The following ARHGAP44 variants were observed in gnomAD, a reference collection of about 807,000 sequenced individuals.
The protein encoded by ARHGAP44 is rho GTPase-activating protein 44.
In ARHGAP44, 43 loss-of-function variants were observed where a neutral mutation model predicts 106.8. That is an observed-to-expected ratio of 0.40 (90% CI 0.32 to 0.52). The LOEUF is 0.52. Among genes scored for constraint, ARHGAP44 ranks in the 20% least tolerant of loss-of-function variants. The pLI is 0.48. For missense variants in ARHGAP44, 866 were observed against 1,050.5 expected, an observed-to-expected ratio of 0.82 and a Z score of 2.43; for synonymous variants, 439 against 410.3, an observed-to-expected ratio of 1.07 and a Z score of -0.85.
chr17:12,911,231 A>G (rs2037728173), intron 4 of ARHGAP44, among the ~76,000 whole-genome samples: 1 of 152,192 alleles, frequency 6.6e-6, no homozygotes, highest in African/African-American at 2.4e-5. Flanking sequence ...TGCCTATAAT[A>G]TAATGACAGA....
At chr17:12,944,832 T>A (rs1479790354) in intron 10 of ARHGAP44, among the ~76,000 whole-genome samples, 1 of 151,936 alleles carries the variant, frequency 6.6e-6, no homozygotes, top group African/African-American at 2.4e-5. Flanking sequence ...CCTCTTCATC[T>A]TCCTTCTCTT....
chr17:12,852,349 G>A (rs547529527), intron 1 of ARHGAP44, among the ~76,000 whole-genome samples: 5 of 116,668 alleles, frequency 4.3e-5, no homozygotes, highest in East Asian at 5.5e-4. Context: ...AAAACTCTTC[G>A]TTTTCGTTTC....
At chr17:12,928,374 A>G (rs986084696) in intron 6 of ARHGAP44, among the ~76,000 whole-genome samples, 1 of 152,232 alleles carries the variant, frequency 6.6e-6, no homozygotes, top group Non-Finnish European at 1.5e-5. Context: ...CTTAAAGGGC[A>G]GTGATAGTTA....
At chr17:12,853,872 T>A (rs1229726779) in intron 1 of ARHGAP44, among the ~76,000 whole-genome samples, 1 of 152,208 alleles carries the variant, frequency 6.6e-6, no homozygotes, top group Non-Finnish European at 1.5e-5. Flanking sequence ...CCTAGTGGAC[T>A]CTTCATTTAC....
In ARHGAP44 at chr17:12,949,999, C is replaced by T. The variant is rs935849699; in HGVS notation, c.1055+269C>T. The stretch of plus-strand genomic sequence containing the variant: ...GTAAACTGTGGAGTGTCTGTACCAT[C>T]GCACACTCTGGAACAATTAAAAAAT... On this transcript the variant is annotated intron_variant, in intron 12 of 20. Transcript: ENST00000379672. This position sits in a 1 kb window ranked among gnomAD's most constrained non-coding sequence, Gnocchi z 4.1. Among the ~76,000 whole-genome samples the T allele has an allele frequency of 3.9e-5, 6 of 152,118 alleles. No homozygotes were observed. Among genetic ancestry groups the T allele is most frequent in the African/African-American group, 9.7e-5 (4 of 41,418 alleles).
chr17:12,891,394 G>C (rs150871468), intron 1 of ARHGAP44, among the ~76,000 whole-genome samples: 4 of 152,200 alleles, frequency 2.6e-5, no homozygotes, highest in African/African-American at 9.7e-5. Flanking sequence ...AGGAGCTAGC[G>C]TCTGGCAAGG....
chr17:12,956,389 G>A (rs1020106208), intron 14 of ARHGAP44, among the ~76,000 whole-genome samples: 1 of 152,310 alleles, frequency 6.6e-6, no homozygotes, highest in Admixed American at 6.5e-5. Flanking sequence ...TCACAGGGAC[G>A]GGAGGGAGGA....
intron 1 of ARHGAP44, among the ~76,000 whole-genome samples, chr17:12,816,918 G>T (rs970336067): frequency 2.6e-5 from 4 of 152,090 alleles, no homozygotes; most frequent in African/African-American, 9.7e-5. Flanking sequence ...GGATCTAATT[G>T]GCATTTATAG....
intron 10 of ARHGAP44, among the ~76,000 whole-genome samples, chr17:12,948,202 T>G (rs1051965931): frequency 6.6e-6 from 1 of 152,220 alleles, no homozygotes; most frequent in Non-Finnish European, 1.5e-5. Context: ...TCTCCTCTTC[T>G]CTTTCGCTTC....
intron 1 of ARHGAP44, among the ~76,000 whole-genome samples, chr17:12,879,927 CAA>C (rs1460048825): frequency 2.6e-5 from 4 of 151,606 alleles, no homozygotes; most frequent in South Asian, 2.1e-4. Context: ...TATAATAAAA[CAA>C]GAGAAAATAC....
chr17:12,979,557 G>A (rs1413233832), intron 18 of ARHGAP44, among the ~76,000 whole-genome samples: 1 of 152,150 alleles, frequency 6.6e-6, no homozygotes, highest in East Asian at 1.9e-4. Flanking sequence ...CTGCCTGGGG[G>A]GTGGCTGGAG....
intron 1 of ARHGAP44, among the ~76,000 whole-genome samples, chr17:12,873,351 C>G (rs568415658): frequency 6.6e-6 from 1 of 152,276 alleles, no homozygotes; most frequent in Non-Finnish European, 1.5e-5. Context: ...AAGCCTTTCT[C>G]AATGACTCTC....
chr17:12,972,418 C>T (rs750231014), intron 16 of ARHGAP44, among the ~76,000 whole-genome samples: 5 of 151,878 alleles, frequency 3.3e-5, no homozygotes, highest in Non-Finnish European at 7.4e-5. Flanking sequence ...GAGGCTGAGG[C>T]GAATGGATCA....
intron 1 of ARHGAP44, among the ~76,000 whole-genome samples, chr17:12,840,230 T>A (rs1172869888): frequency 1.3e-5 from 2 of 152,184 alleles, no homozygotes; most frequent in Non-Finnish European, 2.9e-5. Context: ...CTCTGTGCAA[T>A]CTGATGCAAA....
chr17:12,809,904 G>GTGC (rs1394920232), intron 1 of ARHGAP44, among the ~76,000 whole-genome samples: 3 of 152,170 alleles, frequency 2.0e-5, no homozygotes, highest in Admixed American at 6.5e-5. Context: ...CAGTCACTGA[G>GTGC]AAGGAGCCTG....
At chr17:12,969,258 A>G (rs1352004296) in intron 16 of ARHGAP44, among the ~76,000 whole-genome samples, 1 of 151,706 alleles carries the variant, frequency 6.6e-6, no homozygotes, top group East Asian at 1.9e-4. Flanking sequence ...CCCTTTATCA[A>G]CATATTTTAG....
intron 1 of ARHGAP44, among the ~76,000 whole-genome samples, chr17:12,845,515 A>AAAAAAAAC (rs1219393602): frequency 2.4e-4 from 32 of 131,022 alleles, no homozygotes; most frequent in African/African-American, 9.0e-4. Context: ...TCAAAAAAAA[A>AAAAAAAAC]AAAAAAACAA....
intron 1 of ARHGAP44, among the ~76,000 whole-genome samples, chr17:12,821,565 G>A (rs542908882): frequency 3.1e-4 from 47 of 152,168 alleles, no homozygotes; most frequent in Non-Finnish European, 5.3e-4. Context: ...CATAGGTGGG[G>A]CAGATAGCTT....
chr17:12,931,877 C>CAT (rs1490266061), intron 7 of ARHGAP44, among the ~76,000 whole-genome samples: 5 of 136,616 alleles, frequency 3.7e-5, no homozygotes, highest in Non-Finnish European at 8.0e-5. Flanking sequence ...CACACACACA[C>CAT]ACATATCATG....
Sources: allele counts gnomAD v4.1 joint callset (sites outside exome capture counted in the v4.1 genomes callset), GRCh38; gene constraint gnomAD v4.1.1; non-coding constraint Gnocchi (gnomAD v3.1); transcripts MANE v1.5; gene names NCBI Gene and HGNC (gene_info 2026-07-23, HGNC 2026-07-21).